Variants in CLN6 observed in about 807,000 individuals in gnomAD.
The protein encoded by CLN6 is ceroid-lipofuscinosis neuronal protein 6.
CLN6 carries 22 observed loss-of-function variants against 33.3 expected under a neutral mutation model. The observed-to-expected ratio is 0.66, with a 90% CI of 0.47 to 0.94. CLN6 has a LOEUF of 0.94. Ranked by LOEUF, CLN6 falls within the 40% of genes least tolerant of loss-of-function variation. The probability of loss-of-function intolerance (pLI) is 0.00; values close to 1 mark genes in which losing one functional copy is unlikely to be tolerated. For missense variants in CLN6, 387 were observed against 417.1 expected (o/e 0.93, Z 0.63); for synonymous variants, 201 against 174.6 (o/e 1.15, Z -1.19).
In CLN6 at chr15:68,219,029, GGCACTACTGTTA is replaced by G. The variant is rs1298534298; in HGVS notation, c.84-391_84-380del. On this transcript the variant is annotated intron_variant, in intron 1 of 6. Coordinates refer to ENST00000249806, the MANE Select transcript of CLN6 (RefSeq NM_017882.3). The surrounding 1 kb of genome is among the most constrained non-coding windows in gnomAD (Gnocchi z 4.2). ...TTAGTTGAGCACTTACTATATCCCA[GGCACTACTGTTA>G]GCTGTTTACATGTATTATCTCATTT... Among the ~76,000 whole-genome samples the G allele has an allele frequency of 6.6e-6, 1 of 152,160 alleles. No individual in the cohort carries two copies. Among genetic ancestry groups the G allele is most frequent in the Admixed American group, 6.6e-5 (1 of 15,254 alleles).
chr15:68,218,919 G>A (rs992161201), intron 1 of CLN6, among the ~76,000 whole-genome samples: 4 of 152,192 alleles, frequency 2.6e-5, no homozygotes, highest in African/African-American at 9.7e-5. Flanking sequence ...CTCCGCTACT[G>A]AAAGATGGAG....
At chr15:68,230,160 G>T (rs2093265912), upstream of CLN6, among the ~76,000 whole-genome samples, 1 of 152,126 alleles carries the variant, frequency 6.6e-6, no homozygotes, top group Non-Finnish European at 1.5e-5. The surrounding 1 kb of genome is among the most constrained non-coding windows in gnomAD (Gnocchi z 4.0). Flanking sequence ...AGGGGCTGGC[G>T]GTGACAGTGG....
Position 68,228,549 on chromosome 15 carries a change from C to A in CLN6, c.83+953G>T, listed in dbSNP as rs1294089908. 1.3e-5 allele frequency among the ~76,000 whole-genome samples: 2 copies of A among 152,172 alleles called. No individual in the cohort carries two copies. Among genetic ancestry groups the A allele is most frequent in the Non-Finnish European group, 2.9e-5 (2 of 68,034 alleles). On this transcript the variant is annotated intron_variant, in intron 1 of 6. Transcript: ENST00000249806. The surrounding 1 kb of genome is among the most constrained non-coding windows in gnomAD (Gnocchi z 4.4). ...GCCCTTCACAATCAGTCTGCATCCTCCTGTCACTTTCTTTTACAGCCGGAA... is the reference window on the plus strand; with the variant it reads ...GCCCTTCACAATCAGTCTGCATCCTACTGTCACTTTCTTTTACAGCCGGAA...
intron 1 of CLN6, among the ~76,000 whole-genome samples, chr15:68,235,579 T>A (rs1380548562): frequency 9.7e-4 from 102 of 104,618 alleles, no homozygotes; most frequent in African/African-American, 3.8e-3. Flanking sequence ...AAAAAAAAAA[T>A]AAAAATAAAT....
At chr15:68,218,107 G>A (rs549869299) in intron 2 of CLN6, 3 of 224,142 alleles carry the variant, frequency 1.3e-5, no homozygotes, top group East Asian at 1.0e-4. Flanking sequence ...ATCAGCCTAC[G>A]CCCTTCAACT....
rs373560471 is a variant in CLN6, at chr15:68,225,867, G to A, written c.83+3635C>T. ...GGGCACCTGTAATCCCAGCTACTCGGGAGGCTGAGGCAGAATTGCTTGAAC... is the reference window on the plus strand; with the variant it reads ...GGGCACCTGTAATCCCAGCTACTCGAGAGGCTGAGGCAGAATTGCTTGAAC... On this transcript the variant is annotated intron_variant, in intron 1 of 6. Coordinates refer to ENST00000249806, the MANE Select transcript of CLN6 (RefSeq NM_017882.3). Among the ~76,000 whole-genome samples, 12 of 152,058 alleles carry A rather than the reference G, an allele frequency of 7.9e-5. No individual in the cohort carries two copies. The East Asian group carries it at 1.4e-3, about 17-fold the overall frequency.
chr15:68,218,541 C>A lies in CLN6; in HGVS notation c.193G>T (p.Ala65Ser). The change falls in exon 2 of 7, where the codon GCC (alanine) becomes TCC (serine). Residue 65 changes from alanine (A) to serine (S), a missense_variant. Ala to Ser is a moderately conservative substitution (Grantham distance 99). Transcript: ENST00000249806. ...GTGCACCATTTCACACTCACCATGGCAATGGGACGCCCAAAGTCCAGAACC... is the reference window on the plus strand; with the variant it reads ...GTGCACCATTTCACACTCACCATGGAAATGGGACGCCCAAAGTCCAGAACC... ...NWVLDFGRPI[A>S]MLVFPLEWFP... 4.3e-6 allele frequency: 7 copies of A among 1,609,818 alleles called. No individual in the cohort carries two copies. The highest frequency in any genetic ancestry group is 6.0e-6 in the Non-Finnish European group (7 of 1,176,144).
Position 68,227,818 on chromosome 15 carries a change from G to A in CLN6, c.83+1684C>T, listed in dbSNP as rs1372119216. On this transcript the variant is annotated intron_variant, in intron 1 of 6. Coordinates refer to ENST00000249806, the MANE Select transcript of CLN6 (RefSeq NM_017882.3). This position sits in a 1 kb window ranked among gnomAD's most constrained non-coding sequence, Gnocchi z 4.1. Reference sequence around the variant, plus strand: ...ACTGAGTAAGATGCTAGACATGGGAGCCCCACACAGGAGATAAAGTGGTGA... The same window carrying A: ...ACTGAGTAAGATGCTAGACATGGGAACCCCACACAGGAGATAAAGTGGTGA... Among the ~76,000 whole-genome samples the A allele has an allele frequency of 6.6e-6, 1 of 152,180 alleles. No homozygotes were observed. Among genetic ancestry groups the A allele is most frequent in the Non-Finnish European group, 1.5e-5 (1 of 68,040 alleles).
intron 1 of CLN6, among the ~76,000 whole-genome samples, chr15:68,243,596 A>G (rs1487175794): frequency 6.6e-6 from 1 of 152,048 alleles, no homozygotes; most frequent in African/African-American, 2.4e-5. Flanking sequence ...CTCTACTAAA[A>G]GTACAAAAAT....
intron 1 of CLN6, among the ~76,000 whole-genome samples, chr15:68,240,127 G>C (rs2141161839): frequency 6.6e-6 from 1 of 152,240 alleles, no homozygotes; most frequent in East Asian, 1.9e-4. Flanking sequence ...GAAATTTATA[G>C]CTTTAGCTGC....
chr15:68,211,230 C>A lies in CLN6; in HGVS notation c.542+33G>T, dbSNP rs548821903. 6.2e-7 allele frequency: 1 copy of A among 1,606,386 alleles called. No homozygotes were observed. The highest frequency in any genetic ancestry group is 8.5e-7 in the Non-Finnish European group (1 of 1,173,234). ...TGACAGGGCTAGCCGGTAGTTGGGG[C>A]CCCTGGGATAGACAGATGGGCCCAT... On this transcript the variant is annotated intron_variant, in intron 5 of 6. Transcript: ENST00000249806. This position sits in a 1 kb window ranked among gnomAD's most constrained non-coding sequence, Gnocchi z 5.9.
At chr15:68,244,211 A>G (rs1439633063) in intron 1 of CLN6, among the ~76,000 whole-genome samples, 1 of 152,212 alleles carries the variant, frequency 6.6e-6, no homozygotes, top group Non-Finnish European at 1.5e-5. Context: ...GAAAGATCAG[A>G]GAACACCAAG....
In CLN6 at chr15:68,256,737, T is replaced by C. The variant is rs1892441467; in HGVS notation, c.132A>G (p.Pro44=). 1.1e-5 allele frequency: 8 copies of C among 699,478 alleles called. No homozygotes were observed. Among genetic ancestry groups the C allele is most frequent in the Non-Finnish European group, 1.8e-5 (7 of 383,586 alleles). 43.3% of individuals were successfully genotyped at this position (699,478 alleles called of 1,614,324 possible). The change falls in exon 1 of 7, where the codon CCA becomes CCG. Residue 44 remains proline, a synonymous_variant. Transcript: ENST00000538696. The surrounding 1 kb of genome is among the most constrained non-coding windows in gnomAD (Gnocchi z 4.1). Reference sequence around the variant, plus strand: ...TTCTCAGCGAAGTCTCACAGGACAATGGCGCCTGCGCCAGTGGCTTGAAGG... The same window carrying C: ...TTCTCAGCGAAGTCTCACAGGACAACGGCGCCTGCGCCAGTGGCTTGAAGG...
rs969930110 is a variant in CLN6, at chr15:68,210,265, C to G, written c.543-506G>C. On this transcript the variant is annotated intron_variant, in intron 5 of 6. Transcript: ENST00000249806. This position sits in a 1 kb window ranked among gnomAD's most constrained non-coding sequence, Gnocchi z 5.6. ...ACTACCCTCTCCCCTCTCCACACAC[C>G]GGCTCCCTTTCTCCCACCTGTGCTT... Among the ~76,000 whole-genome samples, 15 of 151,964 alleles carry G rather than the reference C, an allele frequency of 9.9e-5. No individual in the cohort carries two copies. Among genetic ancestry groups the G allele is most frequent in the South Asian group, 2.1e-4 (1 of 4,820 alleles).
At chr15:68,234,384 G>A (rs937713068), upstream of CLN6, among the ~76,000 whole-genome samples, 2 of 152,208 alleles carry the variant, frequency 1.3e-5, no homozygotes, top group African/African-American at 4.8e-5. This position sits in a 1 kb window ranked among gnomAD's most constrained non-coding sequence, Gnocchi z 4.1. Flanking sequence ...CCCTGAGCCA[G>A]GCAGTGTACC....
In CLN6 at chr15:68,211,615, G is replaced by T; in HGVS notation, c.486+60C>A. ...GCGAGGGGTGGGGGCCATTTCTTCA[G>T]CCTCCCAGGACAGACTGTGCTCCTA... is the stretch of plus-strand genomic sequence containing the variant. On this transcript the variant is annotated intron_variant, in intron 4 of 6. Transcript: ENST00000249806. This position sits in a 1 kb window ranked among gnomAD's most constrained non-coding sequence, Gnocchi z 5.9. 6.2e-7 allele frequency: 1 copy of T among 1,607,878 alleles called. No homozygotes were observed.
At chr15:68,249,432 C>G (rs1035548351) in intron 1 of CLN6, among the ~76,000 whole-genome samples, 2 of 152,186 alleles carry the variant, frequency 1.3e-5, no homozygotes, top group Non-Finnish European at 2.9e-5. Flanking sequence ...AAGTGCCCAT[C>G]AACTGAATGT....
rs189842014 is a variant in CLN6, at chr15:68,227,661, G to A, written c.83+1841C>T. Among the ~76,000 whole-genome samples, 8 of 152,308 alleles carry A rather than the reference G, an allele frequency of 5.3e-5. No homozygotes were observed. In the East Asian group the frequency reaches 1.5e-3, roughly 29 times the overall value. ...ACTCCTTAGCAGCCAAAGTGGAGTC[G>A]TAAGAGCAGAGCCCGTAAGTCAGAA... On this transcript the variant is annotated intron_variant, in intron 1 of 6. Transcript: ENST00000249806. The surrounding 1 kb of genome is among the most constrained non-coding windows in gnomAD (Gnocchi z 4.1).
intron 1 of CLN6, among the ~76,000 whole-genome samples, chr15:68,223,717 T>C (rs1378025010): frequency 1.3e-5 from 2 of 151,582 alleles, no homozygotes; most frequent in African/African-American, 4.9e-5. Context: ...ATCCCTGTCA[T>C]TAGTCCAGCC....
Sources: gnomAD v4.1 joint callset for allele counts (sites outside exome capture counted in the v4.1 genomes callset) on GRCh38, gnomAD v4.1.1 for gene constraint, Gnocchi (gnomAD v3.1) non-coding constraint, MANE v1.5 for transcripts, NCBI Gene and HGNC (gene_info 2026-07-23, HGNC 2026-07-21) for gene names.